Variants in CEP290 observed in about 807,000 individuals in gnomAD.
CEP290 encodes centrosomal protein 290.
A neutral mutation model predicts 344.9 loss-of-function variants in CEP290; 317 were observed. The ratio of observed to expected loss-of-function variants is 0.92; its 90% CI spans 0.84 to 1.01. CEP290 has a LOEUF of 1.01. Ranked by LOEUF, CEP290 falls within the 50% of genes least tolerant of loss-of-function variation. The pLI, the probability that CEP290 is intolerant of heterozygous loss-of-function variation, is 0.00. For synonymous variants in CEP290, 932 were observed against 895.8 expected (o/e 1.04, Z -0.72); for missense variants, 2,754 against 2,761.4 (o/e 1.00, Z 0.06).
At chr12:88,054,143 G>A (rs1034764970) in intron 51 of CEP290, among the ~76,000 whole-genome samples, 197 bp downstream of exon 51, 1 of 152,040 alleles carries the variant, frequency 6.6e-6, no homozygotes, top group Non-Finnish European at 1.5e-5. Context: ...TTAGAGTTGG[G>A]TTTATCCTTT....
At chr12:88,052,941 C>A (rs1316029414) in intron 52 of CEP290, among the ~76,000 whole-genome samples, 2 of 152,140 alleles carry the variant, frequency 1.3e-5, no homozygotes, top group African/African-American at 4.8e-5. Flanking sequence ...GGATACTGAG[C>A]ACTGCCTTGT....
At chr12:88,089,726 GTTT>G (rs1185071952) in intron 30 of CEP290, among the ~76,000 whole-genome samples, 1 of 130,906 alleles carries the variant, frequency 7.6e-6, no homozygotes. Flanking sequence ...TGTTACTGGT[GTTT>G]TTTTTTTTTT....
In CEP290 at chr12:88,071,936, T is replaced by C; in HGVS notation, c.5710-10A>G. Reference sequence around the variant, plus strand: ...ATTCTTCTTTAGCATTCTGTAACAATAACGAAGGAGGTAGGAAAATTACCA... The same window carrying C: ...ATTCTTCTTTAGCATTCTGTAACAACAACGAAGGAGGTAGGAAAATTACCA... On this transcript the variant is annotated splice_polypyrimidine_tract_variant and intron_variant, in intron 41 of 53. Transcript: ENST00000552810. The C allele has an allele frequency of 1.3e-6, 2 of 1,566,846 alleles. No individual in the cohort carries two copies. The highest frequency in any genetic ancestry group is 2.3e-5 in the East Asian group (1 of 43,228).
chr12:88,113,546 T>C (rs1338358335), intron 20 of CEP290, among the ~76,000 whole-genome samples: 1 of 152,028 alleles, frequency 6.6e-6, no homozygotes, highest in Non-Finnish European at 1.5e-5. Context: ...AAAAAACAAT[T>C]CAATAAATAA....
chr12:88,116,440 T>C (rs1018141256), intron 18 of CEP290, among the ~76,000 whole-genome samples: 1 of 152,210 alleles, frequency 6.6e-6, no homozygotes, highest in Non-Finnish European at 1.5e-5. Flanking sequence ...AATGATCCTA[T>C]GGTCATATTC....
chr12:88,120,042 A>T (rs2039307233), intron 15 of CEP290, 72 bp downstream of exon 15: 1 of 971,956 alleles, frequency 1.0e-6, no homozygotes, highest in African/African-American at 1.7e-5. Context: ...ATAATAATAA[A>T]CAAAATTTAA....
Position 88,071,341 on chromosome 12 carries a change from T to C in CEP290, c.5964A>G (p.Glu1988=). 6.2e-7 allele frequency: 1 copy of C among 1,608,492 alleles called. No homozygotes were observed. The highest frequency in any genetic ancestry group is 8.5e-7 in the Non-Finnish European group (1 of 1,176,082). The change falls in exon 43 of 54, where the codon GAA becomes GAG. Residue 1988 remains glutamate (E), a synonymous_variant. Coordinates refer to ENST00000552810, the MANE Select transcript of CEP290 (RefSeq NM_025114.4). ...RALESEKELE[E]LKKRNLDLEN... ...CTAAGTCAAGATTTCTCTTTTTTAA[T>C]TCTTCCAATTCTTTTTCTGACTCCA...
At chr12:88,097,036 G>A (rs1339343703) in intron 26 of CEP290, 37 bp from the exon 27 acceptor site, 2 of 1,050,960 alleles carry the variant, frequency 1.9e-6, no homozygotes, top group African/African-American at 3.2e-5. Context: ...AAACTACATT[G>A]TAATTCAGAC....
chr12:88,093,793 C>A lies in CEP290; in HGVS notation c.3286G>T (p.Glu1096Ter). The A allele has an allele frequency of 1.2e-6, 2 of 1,609,718 alleles. No individual in the cohort carries two copies. The highest frequency in any genetic ancestry group is 1.7e-6 in the Non-Finnish European group (2 of 1,177,574). Residue 1096 changes from glutamate to a stop codon, truncating the protein, a stop_gained, in exon 28 of 54, where the codon GAA becomes TAA. Coordinates refer to ENST00000552810, the MANE Select transcript of CEP290 (RefSeq NM_025114.4). LOFTEE classifies it high-confidence loss of function. ...ACCTCAGCAAATTTGGTTTCCAATT[C>A]AAAATTACGTTCCTCCATTTGCTTT... is the stretch of plus-strand genomic sequence containing the variant. ...SLKQMEERNF[E>*]LETKFAELTK...
chr12:88,126,314 A>G lies in CEP290; in HGVS notation c.1065+2T>C. ...ATAAACAAAATTCTGTTAAGATTTT[A>G]CCTGCTGTAGAGCCATAACATTACT... is the stretch of plus-strand genomic sequence containing the variant. On this transcript the variant is annotated splice_donor_variant, in intron 12 of 53. Transcript: ENST00000552810. LOFTEE classifies it high-confidence loss of function. The G allele has an allele frequency of 6.9e-7, 1 of 1,456,218 alleles. No homozygotes were observed. The highest frequency in any genetic ancestry group is 9.0e-7 in the Non-Finnish European group (1 of 1,110,100). The allele number at this position is 1,456,218 out of a possible 1,614,324, so 90.2% of individuals were successfully genotyped here. A position where few individuals can be genotyped will look rare whatever the true frequency, so the allele number is the denominator to read the frequency against.
Position 88,049,185 on chromosome 12 carries a change from T to C in CEP290, c.7439A>G (p.Ter2480=). The C allele has an allele frequency of 6.4e-7, 1 of 1,568,544 alleles. No homozygotes were observed. The highest frequency in any genetic ancestry group is 8.7e-7 in the Non-Finnish European group (1 of 1,153,874). ...EESPVNFPIY[*] is the part of the protein sequence containing the mutation. Reference sequence around the variant, plus strand: ...TGAAACAAAGTTTATAGGTGACCTTTAGTAAATGGGGAAATTAACAGGACT... The same window carrying C: ...TGAAACAAAGTTTATAGGTGACCTTCAGTAAATGGGGAAATTAACAGGACT... The change falls in exon 54 of 54, where the codon TAA becomes TGA. Residue 2480 remains the stop codon, a stop_retained_variant. Coordinates refer to ENST00000552810, the MANE Select transcript of CEP290 (RefSeq NM_025114.4).
intron 17 of CEP290, 96 bp from the exon 18 acceptor site, chr12:88,117,241 C>G (rs1225120024): frequency 3.2e-6 from 2 of 618,992 alleles, no homozygotes; most frequent in East Asian, 6.5e-5. Flanking sequence ...AGTTTTAATG[C>G]AAAGGTAGAA....
Position 88,128,954 on chromosome 12 carries a change from C to T in CEP290, c.934G>A (p.Glu312Lys), listed in dbSNP as rs1191270790. ...IMVAVNAKVEEWKLILSSKDD... is the reference protein window; with the variant it reads ...IMVAVNAKVEKWKLILSSKDD... ...CAATTGAAAAAAAATACCTTCCATT[C>T]TTCTACTTTTGCATTGACAGCTACC... The change falls in exon 11 of 54, where the codon GAA (glutamate) becomes AAA (lysine). Residue 312 changes from glutamate (E) to lysine (K), a missense_variant. Transcript: ENST00000552810. 2.0e-6 allele frequency: 3 copies of T among 1,515,124 alleles called. No homozygotes were observed. The highest frequency in any genetic ancestry group is 2.6e-6 in the Non-Finnish European group (3 of 1,142,140). 93.9% of individuals were successfully genotyped at this position (1,515,124 alleles called of 1,614,324 possible).
At chr12:88,077,149 T>A in intron 41 of CEP290, 73 bp downstream of exon 41, 1 of 1,403,382 alleles carries the variant, frequency 7.1e-7, no homozygotes, top group Non-Finnish European at 9.7e-7. Flanking sequence ...GTATATTAAC[T>A]GTTAATCAGC....
chr12:88,129,658 T>G lies in CEP290; in HGVS notation c.852+36A>C, dbSNP rs371617785. ...TAAATAGTAATGAGATAATATGAAG[T>G]CTGAATAAATAAGTTATTCTAAAAG... On this transcript the variant is annotated intron_variant, in intron 10 of 53. Coordinates refer to ENST00000552810, the MANE Select transcript of CEP290 (RefSeq NM_025114.4). 6 of 1,182,742 alleles carry G rather than the reference T, an allele frequency of 5.1e-6. No individual in the cohort carries two copies. The African/African-American group carries it at 9.7e-5, about 19-fold the overall frequency. The allele number at this position is 1,182,742 out of a possible 1,614,324, so 73.3% of individuals were successfully genotyped here. A position where few individuals can be genotyped will look rare whatever the true frequency, so the allele number is the denominator to read the frequency against.
Position 88,102,992 on chromosome 12 carries a change from A to G in CEP290, c.2837T>C (p.Ile946Thr), listed in dbSNP as rs2038010893. The G allele has an allele frequency of 1.3e-6, 2 of 1,556,494 alleles. No individual in the cohort carries two copies. Among genetic ancestry groups the G allele is most frequent in the East Asian group, 2.4e-5 (1 of 41,908 alleles). ...QRFKEMAIFK[I>T]AALQKVVDNS... ...ATCTACAACTTTTTGGAGAGCTGCA[A>G]TCTTGAAAATGGCCATTTCCTATGT... The change falls in exon 26 of 54, where the codon ATT (isoleucine) becomes ACT (threonine). Residue 946 changes from isoleucine to threonine, a missense_variant. Coordinates refer to ENST00000552810, the MANE Select transcript of CEP290 (RefSeq NM_025114.4).
chr12:88,130,657 T>A (rs1018262818), intron 7 of CEP290, 92 bp from the exon 8 acceptor site: 12 of 1,253,006 alleles, frequency 9.6e-6, no homozygotes, highest in Non-Finnish European at 1.3e-5. Context: ...AACAAAAAAA[T>A]TTTGGGAAAA....
intron 20 of CEP290, among the ~76,000 whole-genome samples, chr12:88,114,141 G>A (rs1358584029): frequency 6.6e-6 from 1 of 152,016 alleles, no homozygotes; most frequent in African/African-American, 2.4e-5. Context: ...TCCAAAGTCG[G>A]TGTAAAAAAC....
chr12:88,119,765 C>T (rs937100508), intron 15 of CEP290, among the ~76,000 whole-genome samples: 15 of 151,886 alleles, frequency 9.9e-5, no homozygotes, highest in African/African-American at 3.4e-4. Context: ...GAGCATTTTG[C>T]AAACAAACAT....
Sources: allele counts gnomAD v4.1 joint callset (sites outside exome capture counted in the v4.1 genomes callset), GRCh38; gene constraint gnomAD v4.1.1; transcripts MANE v1.5; gene names NCBI Gene and HGNC (gene_info 2026-07-23, HGNC 2026-07-21).